The following MAGI1 variants were observed in gnomAD, a reference collection of about 807,000 sequenced individuals.
The protein encoded by MAGI1 is membrane-associated guanylate kinase, WW and PDZ domain-containing protein 1.
Under a neutral mutation model 139.9 loss-of-function variants are expected in MAGI1, and 58 were observed. The ratio of observed to expected loss-of-function variants is 0.41; its 90% CI spans 0.34 to 0.52. The LOEUF (loss-of-function observed/expected upper bound fraction) is 0.52, where lower values mean the gene tolerates loss of function less well. Among genes scored for constraint, MAGI1 ranks in the 20% least tolerant of loss-of-function variants. The probability of loss-of-function intolerance (pLI) is 0.12; values close to 1 mark genes in which losing one functional copy is unlikely to be tolerated. For missense variants in MAGI1, 1,874 were observed against 1,901.6 expected, an observed-to-expected ratio of 0.99 and a Z score of 0.27; for synonymous variants, 812 against 737.9, an observed-to-expected ratio of 1.10 and a Z score of -1.63.
At chr3:65,633,235 A>G (rs78815014) in intron 1 of MAGI1, among the ~76,000 whole-genome samples, 13,715 of 152,212 alleles carry the variant, frequency 0.09, 874 homozygotes, top group Non-Finnish European at 0.13. Context: ...GCGGCTGACA[A>G]TAACAGGCAC....
intron 12 of MAGI1, 40 bp downstream of exon 12, chr3:65,429,480 G>A: frequency 2.0e-6 from 3 of 1,535,730 alleles, no homozygotes. Flanking sequence ...ATGAATTTGG[G>A]ATAAAAAAAA....
At chr3:65,945,289 G>C (rs1359708674) in intron 1 of MAGI1, among the ~76,000 whole-genome samples, 5 of 152,120 alleles carry the variant, frequency 3.3e-5, no homozygotes, top group Admixed American at 2.6e-4. Flanking sequence ...CGTGTCATGA[G>C]GGTTTGATGT....
At chr3:65,820,454 T>G (rs1242029188) in intron 1 of MAGI1, among the ~76,000 whole-genome samples, 2 of 152,194 alleles carry the variant, frequency 1.3e-5, no homozygotes, top group Non-Finnish European at 2.9e-5. Flanking sequence ...GGGGTAGTTA[T>G]GGCATAGGGA....
At chr3:65,640,061 G>A (rs2084902251) in intron 1 of MAGI1, among the ~76,000 whole-genome samples, 1 of 151,876 alleles carries the variant, frequency 6.6e-6, no homozygotes, top group South Asian at 2.1e-4. Context: ...GTTCAGACTA[G>A]AACTGAAACA....
chr3:65,493,454 T>C (rs768593155), intron 3 of MAGI1, 58 bp downstream of exon 3: 1 of 1,609,612 alleles, frequency 6.2e-7, no homozygotes, highest in Non-Finnish European at 8.5e-7. Context: ...TGGATGGCTC[T>C]GGCTCCTCTC....
intron 1 of MAGI1, among the ~76,000 whole-genome samples, chr3:65,937,596 G>A (rs974469926): frequency 6.6e-6 from 1 of 152,102 alleles, no homozygotes; most frequent in East Asian, 1.9e-4. Context: ...GTGTTTGCTA[G>A]GTGGCTTGCT....
intron 1 of MAGI1, among the ~76,000 whole-genome samples, chr3:65,728,002 G>T (rs1225402998): frequency 6.6e-6 from 1 of 152,158 alleles, no homozygotes; most frequent in Non-Finnish European, 1.5e-5. Flanking sequence ...AAATAGACCA[G>T]GAAACATTTG....
chr3:65,863,416 A>G (rs1475412889), intron 1 of MAGI1, among the ~76,000 whole-genome samples: 1 of 152,220 alleles, frequency 6.6e-6, no homozygotes, highest in Non-Finnish European at 1.5e-5. Context: ...ATGAGTAGGA[A>G]CTTGGTATGT....
intron 7 of MAGI1, 92 bp from the exon 8 acceptor site, chr3:65,442,941 C>A: frequency 1.1e-6 from 1 of 902,382 alleles, no homozygotes; most frequent in East Asian, 2.4e-5. Context: ...AAGAGAAAGA[C>A]TCATAAAAAT....
intron 6 of MAGI1, among the ~76,000 whole-genome samples, chr3:65,448,556 T>A (rs1371022101): frequency 6.6e-6 from 1 of 152,180 alleles, no homozygotes; most frequent in African/African-American, 2.4e-5. Context: ...GCAGACTGTA[T>A]AATGAGCTAA....
chr3:66,003,159 A>G (rs907029513), intron 1 of MAGI1, among the ~76,000 whole-genome samples: 3 of 152,130 alleles, frequency 2.0e-5, no homozygotes, highest in African/African-American at 7.2e-5. Flanking sequence ...AGTTGGTGCA[A>G]AACTACAAAG....
At chr3:65,938,460 T>C (rs1389971083) in intron 1 of MAGI1, among the ~76,000 whole-genome samples, 1 of 151,714 alleles carries the variant, frequency 6.6e-6, no homozygotes, top group Non-Finnish European at 1.5e-5. Context: ...CGAGTACTAT[T>C]AATATTTGCA....
intron 1 of MAGI1, among the ~76,000 whole-genome samples, chr3:65,828,249 G>A (rs1461668772): frequency 6.6e-6 from 1 of 152,146 alleles, no homozygotes; most frequent in Middle Eastern, 3.2e-3. Context: ...GCCAGAGGAG[G>A]ACCATCAGGT....
intron 6 of MAGI1, among the ~76,000 whole-genome samples, chr3:65,449,871 A>C (rs957905043): frequency 2.0e-5 from 3 of 152,204 alleles, no homozygotes; most frequent in African/African-American, 4.8e-5. Context: ...TAAGTTCTCA[A>C]CAGAGTAAGA....
At chr3:65,951,813 G>A (rs1015725480) in intron 1 of MAGI1, among the ~76,000 whole-genome samples, 2 of 152,100 alleles carry the variant, frequency 1.3e-5, no homozygotes, top group African/African-American at 2.4e-5. Context: ...TCAGAATAAT[G>A]TTTATAAATG....
intron 1 of MAGI1, among the ~76,000 whole-genome samples, chr3:65,926,336 T>TC (rs1560021007): frequency 6.8e-6 from 1 of 147,766 alleles, no homozygotes; most frequent in Non-Finnish European, 1.5e-5. Context: ...TTTCTCTCTC[T>TC]CTCTCTCTCT....
chr3:65,670,684 C>G (rs1226232884), intron 1 of MAGI1, among the ~76,000 whole-genome samples: 1 of 151,944 alleles, frequency 6.6e-6, no homozygotes, highest in African/African-American at 2.4e-5. Flanking sequence ...TGTTTGGTAC[C>G]CATGGAGCTT....
intron 5 of MAGI1, among the ~76,000 whole-genome samples, chr3:65,461,435 T>G (rs1179967634): frequency 6.6e-6 from 1 of 150,602 alleles, no homozygotes; most frequent in Non-Finnish European, 1.5e-5. Context: ...CAGGATGGTC[T>G]CGATCTCCTG....
At chr3:65,707,398 C>G (rs1181862107) in intron 1 of MAGI1, among the ~76,000 whole-genome samples, 1 of 152,160 alleles carries the variant, frequency 6.6e-6, no homozygotes, top group Non-Finnish European at 1.5e-5. Flanking sequence ...CCCCGAGTGC[C>G]AGGGCAACCG....
Sources: gnomAD v4.1 joint callset for allele counts (sites outside exome capture counted in the v4.1 genomes callset) on GRCh38, gnomAD v4.1.1 for gene constraint, MANE v1.5 for transcripts, NCBI Gene and HGNC (gene_info 2026-07-23, HGNC 2026-07-21) for gene names.